Variants in RBM27 observed in about 807,000 individuals in gnomAD.
RBM27 encodes RNA-binding protein 27.
RBM27 carries 22 observed loss-of-function variants against 135.3 expected under a neutral mutation model. That is an observed-to-expected ratio of 0.16 (90% CI 0.12 to 0.23). The LOEUF (loss-of-function observed/expected upper bound fraction) is 0.23, where lower values mean the gene tolerates loss of function less well. Ranked by LOEUF, RBM27 falls within the 10% of genes least tolerant of loss-of-function variation. The pLI is 1.00. For synonymous variants in RBM27, 481 were observed against 442.4 expected, an observed-to-expected ratio of 1.09 and a Z score of -1.10; for missense variants, 1,009 against 1,281.0, an observed-to-expected ratio of 0.79 and a Z score of 3.24.
intron 7 of RBM27, among the ~76,000 whole-genome samples, chr5:146,234,219 A>G (rs898438793): frequency 2.6e-5 from 4 of 152,174 alleles, no homozygotes; most frequent in African/African-American, 9.6e-5. Context: ...TAGGAGTTTT[A>G]TGAAATTTTC....
chr5:146,223,560 CT>C, intron 3 of RBM27, 33 bp downstream of exon 3: 1 of 1,583,998 alleles, frequency 6.3e-7, no homozygotes, highest in Non-Finnish European at 8.5e-7. Context: ...CTTTTGGGGG[CT>C]TCTTAGATCC....
chr5:146,266,739 C>T (rs973388543), intron 14 of RBM27, among the ~76,000 whole-genome samples: 17 of 152,078 alleles, frequency 1.1e-4, no homozygotes, highest in African/African-American at 4.1e-4. Context: ...AGTTTGAGAC[C>T]AGCCTAGGCA....
At chr5:146,279,685 G>A (rs1055135460) in intron 19 of RBM27, among the ~76,000 whole-genome samples, 20 of 151,424 alleles carry the variant, frequency 1.3e-4, no homozygotes, top group Non-Finnish European at 2.6e-4. Flanking sequence ...GCATCTGCCT[G>A]TAGTCGCAGC....
intron 2 of RBM27, among the ~76,000 whole-genome samples, chr5:146,220,631 T>C (rs1756418691): frequency 6.6e-6 from 1 of 152,034 alleles, no homozygotes; most frequent in African/African-American, 2.4e-5. Context: ...GAAAAGTAAG[T>C]ATGGCTTCTC....
intron 1 of RBM27, among the ~76,000 whole-genome samples, chr5:146,209,669 A>G (rs976265270): frequency 3.3e-5 from 5 of 152,172 alleles, no homozygotes; most frequent in Non-Finnish European, 5.9e-5. Context: ...TTTGGAGCTG[A>G]CCACCTGGTA....
At chr5:146,231,064 C>G (rs1756908150) in intron 6 of RBM27, 147 bp downstream of exon 6, 3 of 1,029,454 alleles carry the variant, frequency 2.9e-6, no homozygotes, top group Non-Finnish European at 4.1e-6. Flanking sequence ...CTCTGTCACC[C>G]AGGATGGAGT....
intron 1 of RBM27, among the ~76,000 whole-genome samples, chr5:146,214,661 AT>A (rs914509958): frequency 6.6e-6 from 1 of 152,188 alleles, no homozygotes; most frequent in African/African-American, 2.4e-5. Flanking sequence ...TTCCCAATGT[AT>A]TTAAGTTTCA....
At chr5:146,239,479 T>TC (rs1757311648) in intron 8 of RBM27, among the ~76,000 whole-genome samples, 1 of 141,734 alleles carries the variant, frequency 7.1e-6, no homozygotes, top group African/African-American at 2.7e-5. Context: ...TTTCTTTTTT[T>TC]TTTTTTTTTT....
chr5:146,281,752 A>G (rs1272722641), intron 19 of RBM27, among the ~76,000 whole-genome samples: 6 of 152,222 alleles, frequency 3.9e-5, no homozygotes, highest in African/African-American at 9.6e-5. Context: ...TTTTAGAACA[A>G]AACTACTGCA....
chr5:146,228,259 A>G (rs1324409036), intron 3 of RBM27, among the ~76,000 whole-genome samples: 1 of 149,354 alleles, frequency 6.7e-6, no homozygotes, highest in Non-Finnish European at 1.5e-5. Context: ...CATGTTTCAT[A>G]ATTTATAGAG....
intron 10 of RBM27, 27 bp from the exon 11 acceptor site, chr5:146,258,422 A>C: frequency 6.6e-7 from 1 of 1,524,336 alleles, no homozygotes; most frequent in East Asian, 2.4e-5. Context: ...TGAAAAACTC[A>C]GTAATTTCAA....
At position 146,255,029 on chromosome 5, in the gene RBM27, A is replaced by G. The variant is rs1415117436; in HGVS notation, c.1531A>G (p.Thr511Ala). 3 of 1,609,906 alleles carry G rather than the reference A, an allele frequency of 1.9e-6. No homozygotes were observed. In the Admixed American group the frequency reaches 5.0e-5, roughly 27 times the overall value. ...TCAGTACAGACAGTTCTTTTCAAGA[A>G]CTCAGACACAGCGTCCCAATCTGAT... ...RSQYRQFFSR[T>A]QTQRPNLIGL... The change falls in exon 10 of 21, where the codon ACT becomes GCT. Residue 511 changes from threonine to alanine, a missense_variant. Coordinates refer to ENST00000265271, the MANE Select transcript of RBM27 (RefSeq NM_018989.2).
chr5:146,212,035 A>G (rs1038512893), intron 1 of RBM27, among the ~76,000 whole-genome samples: 1 of 151,460 alleles, frequency 6.6e-6, no homozygotes, highest in Non-Finnish European at 1.5e-5. Flanking sequence ...TATAACCATC[A>G]CTTTGGTTTT....
At chr5:146,258,740 A>G (rs1758229049) in intron 11 of RBM27, 147 bp downstream of exon 11, 3 of 680,800 alleles carry the variant, frequency 4.4e-6, no homozygotes, top group African/African-American at 3.8e-5. Flanking sequence ...AGAATGTTGT[A>G]AAAATTAAAA....
chr5:146,260,589 G>A (rs1758353597), intron 11 of RBM27, among the ~76,000 whole-genome samples, 156 bp from the exon 12 acceptor site: 3 of 152,120 alleles, frequency 2.0e-5, no homozygotes, highest in Admixed American at 2.0e-4. Context: ...TGTTTCATAT[G>A]ATTTTGAAGA....
At position 146,237,369 on chromosome 5, in the gene RBM27, G is replaced by C; in HGVS notation, c.1216G>C (p.Ala406Pro). The C allele has an allele frequency of 6.2e-7, 1 of 1,614,008 alleles. No individual in the cohort carries two copies. The highest frequency in any genetic ancestry group is 8.5e-7 in the Non-Finnish European group (1 of 1,179,914). Reference protein sequence around the residue: ...QPGTSAVPNLASVGTRLPPPL... With the variant: ...QPGTSAVPNLPSVGTRLPPPL... Reference sequence around the variant, plus strand: ...TGGGACAAGTGCAGTGCCCAATCTTGCATCAGTGGGAACAAGACTACCTCC... The same window carrying C: ...TGGGACAAGTGCAGTGCCCAATCTTCCATCAGTGGGAACAAGACTACCTCC... Residue 406 changes from alanine to proline, a missense_variant, in exon 8 of 21, where the codon GCA becomes CCA. By Grantham distance (27) the Ala-to-Pro change is conservative. Coordinates refer to ENST00000265271, the MANE Select transcript of RBM27 (RefSeq NM_018989.2).
intron 20 of RBM27, 63 bp downstream of exon 20, chr5:146,284,795 G>T: frequency 1.0e-6 from 1 of 994,892 alleles, no homozygotes; most frequent in Non-Finnish European, 1.5e-6. Context: ...TATTTTTTAT[G>T]ATATTAAATA....
intron 7 of RBM27, among the ~76,000 whole-genome samples, chr5:146,235,040 A>ATAAATAAT (rs996638532): frequency 1.0e-5 from 1 of 98,258 alleles, no homozygotes; most frequent in African/African-American, 2.8e-5. Flanking sequence ...TCAAAAATAA[A>ATAAATAAT]TAAATAAATA....
intron 8 of RBM27, among the ~76,000 whole-genome samples, chr5:146,239,730 C>T (rs1243106486): frequency 1.3e-5 from 2 of 150,824 alleles, no homozygotes; most frequent in Non-Finnish European, 2.9e-5. Context: ...GCTGCTTTGG[C>T]CTTGCAAAGC....
Sources: allele counts gnomAD v4.1 joint callset (sites outside exome capture counted in the v4.1 genomes callset), GRCh38; gene constraint gnomAD v4.1.1; transcripts MANE v1.5; gene names NCBI Gene and HGNC (gene_info 2026-07-23, HGNC 2026-07-21).